PCNX2: variants seen among roughly 807,000 people sequenced by gnomAD.
PCNX2 encodes pecanex-like protein 2.
PCNX2 carries 168 observed loss-of-function variants against 223.8 expected under a neutral mutation model. The ratio of observed to expected loss-of-function variants is 0.75; its 90% confidence interval spans 0.66 to 0.85. PCNX2 has a LOEUF of 0.85. Among genes scored for constraint, PCNX2 ranks in the 40% least tolerant of loss-of-function variants. The pLI, the probability that PCNX2 is intolerant of heterozygous loss-of-function variation, is 0.00. For missense variants in PCNX2, 2,507 were observed against 2,675.5 expected (o/e 0.94, Z 1.39); for synonymous variants, 1,006 against 1,052.6 (o/e 0.96, Z 0.86).
In PCNX2 at chr1:233,295,077, T is replaced by C. The variant is rs969736896; in HGVS notation, c.153+249A>G. Among the ~76,000 whole-genome samples, 4 of 152,152 alleles carry C rather than the reference T, an allele frequency of 2.6e-5. No individual in the cohort carries two copies. Among genetic ancestry groups the C allele is most frequent in the African/African-American group, 9.7e-5 (4 of 41,426 alleles). On this transcript the variant is annotated intron_variant, in intron 1 of 33. Coordinates refer to ENST00000258229, the MANE Select transcript of PCNX2 (RefSeq NM_014801.4). This position sits in a 1 kb window ranked among gnomAD's most constrained non-coding sequence, Gnocchi z 4.1. ...ACAAGCAGAGTGACTCATCCTAACA[T>C]CCGGCATCAATTCTTAATGAGTCCC...
At chr1:233,267,093 C>T (rs752070947) in intron 1 of PCNX2, among the ~76,000 whole-genome samples, 3 of 151,812 alleles carry the variant, frequency 2.0e-5, no homozygotes, top group Non-Finnish European at 2.9e-5. Context: ...CCAAGGTGGG[C>T]GGATCACCTA....
chr1:233,151,118 G>T (rs976786221), intron 19 of PCNX2, among the ~76,000 whole-genome samples: 1 of 152,110 alleles, frequency 6.6e-6, no homozygotes, highest in Non-Finnish European at 1.5e-5. Context: ...GACATAGCAG[G>T]TGCTCAATAA....
chr1:233,180,332 A>G (rs989509307), intron 15 of PCNX2, among the ~76,000 whole-genome samples: 1 of 152,156 alleles, frequency 6.6e-6, no homozygotes, highest in African/African-American at 2.4e-5. Flanking sequence ...CACCCCAACC[A>G]GTGTGGTGGC....
rs184886967 is a variant in PCNX2 at position 233,044,368 on chromosome 1, C to T, written c.4351+9900G>A. Among the ~76,000 whole-genome samples the T allele has an allele frequency of 3.7e-3, 562 of 152,230 alleles. 6 individuals carry two copies. The highest frequency in any genetic ancestry group is 0.013 in the African/African-American group (531 of 41,538). The stretch of plus-strand genomic sequence containing the variant: ...TCCCATTTTGTAGGTTGCCTGTTCA[C>T]GCTGATGGTAGTTTCTTTTGCTGTG... On this transcript the variant is annotated intron_variant, in intron 25 of 33. Coordinates refer to ENST00000258229, the MANE Select transcript of PCNX2 (RefSeq NM_014801.4).
At chr1:233,208,092 A>G (rs1355577307) in intron 13 of PCNX2, among the ~76,000 whole-genome samples, 1 of 152,084 alleles carries the variant, frequency 6.6e-6, no homozygotes, top group African/African-American at 2.4e-5. Context: ...AGTAGCTGCA[A>G]TTACAGGCAT....
intron 2 of PCNX2, 69 bp downstream of exon 2, chr1:233,262,889 T>A (rs1051399007): frequency 6.7e-7 from 1 of 1,488,896 alleles, no homozygotes; most frequent in South Asian, 1.2e-5. Context: ...TAAACACTGA[T>A]AAAAAACTTA....
chr1:233,167,003 C>T (rs1219388566), intron 17 of PCNX2, among the ~76,000 whole-genome samples: 2 of 151,894 alleles, frequency 1.3e-5, no homozygotes, highest in Non-Finnish European at 2.9e-5. Flanking sequence ...ATACTAAAAA[C>T]AGAACTACCA....
At chr1:233,214,968 C>G (rs1432035888) in intron 12 of PCNX2, among the ~76,000 whole-genome samples, 1 of 152,054 alleles carries the variant, frequency 6.6e-6, no homozygotes. Context: ...CTTAGAAGCA[C>G]GCAAAAAAGA....
the PCNX2 span, among the ~76,000 whole-genome samples, chr1:233,301,699 T>A: frequency 6.6e-6 from 1 of 152,132 alleles, no homozygotes; most frequent in Non-Finnish European, 1.5e-5. Context: ...GCTGCTACAC[T>A]CTTGTACACC....
chr1:233,218,451 A>T (rs190967497), intron 10 of PCNX2, among the ~76,000 whole-genome samples: 1 of 151,750 alleles, frequency 6.6e-6, no homozygotes, highest in South Asian at 2.1e-4. Context: ...GGGGTTTCAC[A>T]ATGTTAGTCA....
chr1:233,289,030 C>T (rs1016203424), intron 1 of PCNX2: 43 of 1,347,176 alleles, frequency 3.2e-5, no homozygotes, highest in Non-Finnish European at 4.6e-5. Flanking sequence ...CTCTTGCCCA[C>T]AATTTTGCTT....
Position 233,031,785 on chromosome 1 carries a change from C to CTTT in PCNX2, c.4352-6389_4352-6387dup, listed in dbSNP as rs56699256. ...GCTTTGGCTCTTGGCTGAAAGCATT[C>CTTT]TTTTTTTTTTTTTTTTTTAAACATT... On this transcript the variant is annotated intron_variant, in intron 25 of 33. Transcript: ENST00000258229. 19 of 935,090 alleles carry CTTT rather than the reference C, an allele frequency of 2.0e-5. No individual in the cohort carries two copies. The African/African-American group carries it at 3.2e-4, about 16-fold the overall frequency. 57.9% of individuals were successfully genotyped at this position (935,090 alleles called of 1,614,324 possible). A position where few individuals can be genotyped will look rare whatever the true frequency, so the allele number is the denominator to read the frequency against.
At chr1:233,185,120 C>T (rs1167972877) in intron 15 of PCNX2, among the ~76,000 whole-genome samples, 1 of 147,324 alleles carries the variant, frequency 6.8e-6, no homozygotes. Context: ...CACACACACA[C>T]ACACACACAC....
chr1:233,208,472 A>ACCCCCAACCCCCATATTCTTC (rs1204353931), intron 13 of PCNX2, 46 bp downstream of exon 13: 1 of 1,549,376 alleles, frequency 6.5e-7, no homozygotes, highest in Non-Finnish European at 8.8e-7. Context: ...GGGGAGACAT[A>ACCCCCAACCCCCATATTCTTC]CCCCCAACCC....
intron 21 of PCNX2, among the ~76,000 whole-genome samples, chr1:233,120,021 G>T (rs1003440265): frequency 2.6e-5 from 4 of 151,656 alleles, no homozygotes; most frequent in Non-Finnish European, 5.9e-5. Flanking sequence ...ACAAAAATTA[G>T]CCAGGCGTGG....
chr1:233,227,141 A>G (rs559761015), intron 10 of PCNX2, 85 bp downstream of exon 10: 190 of 1,402,226 alleles, frequency 1.4e-4, no homozygotes, highest in Middle Eastern at 7.6e-4. Flanking sequence ...TGCAAGTGAC[A>G]ATGTTCTCTT....
chr1:233,305,959 G>T, the PCNX2 span, among the ~76,000 whole-genome samples: 4 of 152,106 alleles, frequency 2.6e-5, no homozygotes, highest in Non-Finnish European at 5.9e-5. Context: ...AAATCAAAAG[G>T]CAAAGTTTGC....
intron 25 of PCNX2, among the ~76,000 whole-genome samples, chr1:233,041,183 C>T (rs1671632101): frequency 6.6e-6 from 1 of 151,508 alleles, no homozygotes; most frequent in African/African-American, 2.4e-5. Context: ...CCTACATCCA[C>T]AATGTTGAAT....
At chr1:233,175,491 T>C (rs1447830579) in intron 17 of PCNX2, among the ~76,000 whole-genome samples, 1 of 152,176 alleles carries the variant, frequency 6.6e-6, no homozygotes, top group African/African-American at 2.4e-5. Context: ...AAAGTAGAAA[T>C]GCATCTTCAT....
Sources: gnomAD v4.1 joint callset for allele counts (sites outside exome capture counted in the v4.1 genomes callset) on GRCh38, gnomAD v4.1.1 for gene constraint, Gnocchi (gnomAD v3.1) non-coding constraint, MANE v1.5 for transcripts, NCBI Gene and HGNC (gene_info 2026-07-23, HGNC 2026-07-21) for gene names.